Variants in ADAM32 observed in about 807,000 individuals in gnomAD.
The protein encoded by ADAM32 is ADAM metallopeptidase domain 32, also known as disintegrin and metalloproteinase domain-containing protein 32.
ADAM32 carries 89 observed loss-of-function variants against 114.9 expected under a neutral mutation model. The observed-to-expected ratio is 0.77, with a 90% CI of 0.65 to 0.92. The LOEUF is 0.92. Among genes scored for constraint, ADAM32 ranks in the 40% least tolerant of loss-of-function variants. ADAM32 has a pLI of 0.00. For synonymous variants in ADAM32, 285 were observed against 307.5 expected (o/e 0.93, Z 0.77); for missense variants, 870 against 932.8 (o/e 0.93, Z 0.88).
intron 3 of ADAM32, among the ~76,000 whole-genome samples, chr8:39,136,963 T>A (rs1802843417): frequency 6.6e-6 from 1 of 152,180 alleles, no homozygotes; most frequent in Non-Finnish European, 1.5e-5. Context: ...GATATTAAGT[T>A]GGCAGGACCA....
At chr8:39,213,834 G>T (rs1307263970) in intron 12 of ADAM32, among the ~76,000 whole-genome samples, 1 of 151,766 alleles carries the variant, frequency 6.6e-6, no homozygotes, top group Non-Finnish European at 1.5e-5. Context: ...CTCCCCACCT[G>T]CCCAACTACC....
At chr8:39,179,624 T>C (rs1252730672) in intron 10 of ADAM32, among the ~76,000 whole-genome samples, 24 of 152,148 alleles carry the variant, frequency 1.6e-4, no homozygotes, top group Admixed American at 1.6e-3. Context: ...CAAAGAGCCA[T>C]GAGAAAAGCA....
At chr8:39,148,772 T>C (rs1012245251) in intron 4 of ADAM32, among the ~76,000 whole-genome samples, 11 of 152,194 alleles carry the variant, frequency 7.2e-5, no homozygotes, top group Non-Finnish European at 7.4e-5. Flanking sequence ...CTTAGTTCCA[T>C]CATAAAGCAG....
intron 11 of ADAM32, among the ~76,000 whole-genome samples, chr8:39,195,350 T>G (rs1806910388): frequency 1.3e-5 from 2 of 152,240 alleles, no homozygotes; most frequent in African/African-American, 4.8e-5. Flanking sequence ...ATTGGATGAA[T>G]AGTTTGCAAA....
intron 10 of ADAM32, among the ~76,000 whole-genome samples, chr8:39,184,963 G>C (rs571942751): frequency 4.6e-5 from 7 of 152,190 alleles, no homozygotes; most frequent in African/African-American, 1.7e-4. Flanking sequence ...AACACTCCTG[G>C]TCCCAATGTT....
At chr8:39,216,018 T>C (rs1446098630) in intron 12 of ADAM32, among the ~76,000 whole-genome samples, 1 of 152,058 alleles carries the variant, frequency 6.6e-6, no homozygotes, top group African/African-American at 2.4e-5. Flanking sequence ...CCAGCTGTTA[T>C]TGTATTGGGG....
chr8:39,222,455 T>A (rs1427770084), intron 13 of ADAM32, among the ~76,000 whole-genome samples: 2 of 152,100 alleles, frequency 1.3e-5, no homozygotes, highest in African/African-American at 4.8e-5. Flanking sequence ...ATGAGATAGA[T>A]GTTTTATTTG....
At chr8:39,127,626 C>A (rs920991196) in intron 2 of ADAM32, among the ~76,000 whole-genome samples, 1 of 152,008 alleles carries the variant, frequency 6.6e-6, no homozygotes, top group Non-Finnish European at 1.5e-5. Context: ...CCCCAAAAAC[C>A]AGCTCCTGGA....
intron 3 of ADAM32, among the ~76,000 whole-genome samples, chr8:39,139,054 A>G (rs535990361): frequency 8.6e-5 from 13 of 151,998 alleles, no homozygotes; most frequent in Middle Eastern, 3.4e-3. Context: ...TGTTTAAGTT[A>G]TTTGTAGATT....
At chr8:39,215,311 A>C (rs1808485071) in intron 12 of ADAM32, among the ~76,000 whole-genome samples, 1 of 152,044 alleles carries the variant, frequency 6.6e-6, no homozygotes, top group Non-Finnish European at 1.5e-5. Context: ...ATCCATGAAC[A>C]TGGAATATTT....
At chr8:39,196,263 T>C (rs1320587823) in intron 11 of ADAM32, among the ~76,000 whole-genome samples, 1 of 152,164 alleles carries the variant, frequency 6.6e-6, no homozygotes, top group Non-Finnish European at 1.5e-5. Flanking sequence ...TTTTTCTATA[T>C]ATAAGAGCAT....
intron 1 of ADAM32, among the ~76,000 whole-genome samples, chr8:39,115,420 C>G (rs1307904476): frequency 6.6e-6 from 1 of 152,184 alleles, no homozygotes; most frequent in African/African-American, 2.4e-5. Flanking sequence ...ACCTTGCCAA[C>G]ACCTATTATT....
At chr8:39,220,091 G>A (rs963007458) in intron 12 of ADAM32, among the ~76,000 whole-genome samples, 8 of 152,062 alleles carry the variant, frequency 5.3e-5, no homozygotes, top group African/African-American at 1.7e-4. Context: ...GTTTTTGTAG[G>A]TTTAGAAGTA....
chr8:39,141,760 T>A (rs1458902288), intron 3 of ADAM32, among the ~76,000 whole-genome samples: 2 of 152,224 alleles, frequency 1.3e-5, no homozygotes, highest in African/African-American at 4.8e-5. Context: ...ACCTTCTGTC[T>A]TGTTGATCTG....
In ADAM32 at chr8:39,262,765, T is replaced by C. The variant is rs80306638; in HGVS notation, c.2162+5422T>C. Among the ~76,000 whole-genome samples, 246 of 152,090 alleles carry C rather than the reference T, an allele frequency of 1.6e-3. 6 individuals carry two copies. In the East Asian group the frequency reaches 0.036, roughly 22 times the overall value. On this transcript the variant is annotated intron_variant, in intron 19 of 24. Coordinates refer to ENST00000379907, the MANE Select transcript of ADAM32 (RefSeq NM_145004.7). ...CTCTGTCGCCCAGGCTGGAGTGCAG[T>C]AGTGTTTTAGGCTCACTGCAATTTC... is the stretch of plus-strand genomic sequence containing the variant.
At chr8:39,180,434 GC>G (rs1805792381) in intron 10 of ADAM32, among the ~76,000 whole-genome samples, 1 of 152,242 alleles carries the variant, frequency 6.6e-6, no homozygotes, top group Admixed American at 6.5e-5. Context: ...CTCCTTTGCG[GC>G]CCGAGCCTCC....
At chr8:39,112,904 A>G (rs1840224686) in intron 1 of ADAM32, among the ~76,000 whole-genome samples, 2 of 152,250 alleles carry the variant, frequency 1.3e-5, no homozygotes, top group Admixed American at 1.3e-4. Flanking sequence ...TGCAAAGATG[A>G]CAATGGCCTT....
chr8:39,283,352 G>C (rs1040470060), intron 23 of ADAM32, among the ~76,000 whole-genome samples: 7 of 149,570 alleles, frequency 4.7e-5, no homozygotes, highest in Non-Finnish European at 8.9e-5. Flanking sequence ...TTGAGGCTGT[G>C]GTGGGCCACA....
intron 2 of ADAM32, among the ~76,000 whole-genome samples, chr8:39,134,463 A>G (rs1276496897): frequency 1.3e-5 from 2 of 152,070 alleles, no homozygotes; most frequent in East Asian, 3.9e-4. Context: ...AATCCTGGCC[A>G]GGCCAGCTGC....
Sources: gnomAD v4.1 joint callset for allele counts (sites outside exome capture counted in the v4.1 genomes callset) on GRCh38, gnomAD v4.1.1 for gene constraint, MANE v1.5 for transcripts, NCBI Gene and HGNC (gene_info 2026-07-23, HGNC 2026-07-21) for gene names.